DNM3: variants seen among roughly 807,000 people sequenced by gnomAD.
DNM3 encodes the protein dynamin 3.
Under a neutral mutation model 101.6 loss-of-function variants are expected in DNM3, and 47 were observed. That is an observed-to-expected ratio of 0.46 (90% CI 0.37 to 0.59). The LOEUF (loss-of-function observed/expected upper bound fraction) is 0.59. DNM3 is among the 20% of genes least tolerant of loss of function. The pLI, the probability that DNM3 is intolerant of heterozygous loss-of-function variation, is 0.00. For missense variants in DNM3, 849 were observed against 1,085.7 expected, an observed-to-expected ratio of 0.78 and a Z score of 3.06; for synonymous variants, 385 against 387.9, an observed-to-expected ratio of 0.99 and a Z score of 0.09.
chr1:172,247,708 C>CAG (rs1271638945), intron 14 of DNM3, among the ~76,000 whole-genome samples: 34 of 120,856 alleles, frequency 2.8e-4, no homozygotes, highest in African/African-American at 8.2e-4. Context: ...TATTTTGAGA[C>CAG]AGTTTCGCTC....
intron 2 of DNM3, among the ~76,000 whole-genome samples, chr1:171,977,317 C>T (rs796658427): frequency 2.6e-4 from 39 of 152,244 alleles, no homozygotes; most frequent in African/African-American, 8.9e-4. Context: ...ACCATGCATA[C>T]TGGGTTATTG....
intron 18 of DNM3, among the ~76,000 whole-genome samples, chr1:172,383,534 C>T (rs1046270991): frequency 1.3e-5 from 2 of 152,084 alleles, no homozygotes; most frequent in Admixed American, 6.6e-5. Flanking sequence ...GAGGCATCAC[C>T]GTGTTCCGTA....
intron 17 of DNM3, among the ~76,000 whole-genome samples, chr1:172,325,927 A>G (rs2065919423): frequency 6.6e-6 from 1 of 152,218 alleles, no homozygotes; most frequent in African/African-American, 2.4e-5. Context: ...TTCCACATAC[A>G]TTAAGAGTAG....
chr1:172,012,096 A>G (rs948476472), intron 4 of DNM3, among the ~76,000 whole-genome samples: 2 of 152,096 alleles, frequency 1.3e-5, no homozygotes, highest in African/African-American at 2.4e-5. Context: ...TCACAGTACC[A>G]TTGTTTCTGC....
intron 17 of DNM3, among the ~76,000 whole-genome samples, chr1:172,367,432 G>A (rs2068081312): frequency 6.6e-6 from 1 of 151,804 alleles, no homozygotes; most frequent in African/African-American, 2.4e-5. Context: ...CTCACTTATA[G>A]AGCAGATACA....
chr1:172,289,901 C>G, intron 15 of DNM3: 1 of 966,766 alleles, frequency 1.0e-6, no homozygotes. Context: ...GTTGGGTTTT[C>G]TTTAACTGTA....
At chr1:172,328,802 C>T (rs532605138) in intron 17 of DNM3, among the ~76,000 whole-genome samples, 48 of 152,126 alleles carry the variant, frequency 3.2e-4, no homozygotes, top group Admixed American at 2.8e-3. Flanking sequence ...AAAAGTTAAA[C>T]AAAAAGAAAA....
At chr1:172,372,603 TTAGA>T (rs76413643) in intron 17 of DNM3, among the ~76,000 whole-genome samples, 22,629 of 151,230 alleles carry the variant, frequency 0.15, 2,056 homozygotes, top group Non-Finnish European at 0.2. Flanking sequence ...TTATATTTAA[TTAGA>T]TAGATAATGT....
chr1:172,058,879 A>C (rs1189619693), intron 10 of DNM3, among the ~76,000 whole-genome samples: 3 of 151,988 alleles, frequency 2.0e-5, no homozygotes, highest in African/African-American at 7.3e-5. Context: ...GACAAAAAAA[A>C]CCCTTAAAAA....
intron 14 of DNM3, among the ~76,000 whole-genome samples, chr1:172,143,853 G>A (rs1350462490): frequency 6.6e-6 from 1 of 152,096 alleles, no homozygotes; most frequent in Non-Finnish European, 1.5e-5. Context: ...TTGTCTGGTA[G>A]GCAAGACTTG....
chr1:171,854,078 G>A (rs1054199605), intron 1 of DNM3, among the ~76,000 whole-genome samples: 1 of 152,128 alleles, frequency 6.6e-6, no homozygotes, highest in Non-Finnish European at 1.5e-5. Flanking sequence ...CTTTGTGAAA[G>A]ACACTGTTTT....
At chr1:171,965,069 G>C (rs1047659154) in intron 2 of DNM3, among the ~76,000 whole-genome samples, 4 of 152,118 alleles carry the variant, frequency 2.6e-5, no homozygotes, top group African/African-American at 9.7e-5. Context: ...CCACAAGACT[G>C]TCCCGAGTTC....
Position 172,410,666 on chromosome 1 carries a change from GT to G in DNM3, c.*2829del. 1.0e-6 allele frequency: 1 copy of G among 985,272 alleles called. No homozygotes were observed. The highest frequency in any genetic ancestry group is 1.2e-6 in the Non-Finnish European group (1 of 829,826). 61.0% of individuals were successfully genotyped at this position (985,272 alleles called of 1,614,324 possible). A position where few individuals can be genotyped will look rare whatever the true frequency, so the allele number is the denominator to read the frequency against. ...TCGTCTGAATATTGCTTTTAGCCGTGTTTTATAACATAGACGAGCAGTAGGG... is the reference window on the plus strand; with the variant it reads ...TCGTCTGAATATTGCTTTTAGCCGTGTTTATAACATAGACGAGCAGTAGGG... On this transcript the variant is annotated 3_prime_UTR_variant, in exon 21 of 21. Transcript: ENST00000627582.
chr1:172,111,254 A>G (rs999670126), intron 13 of DNM3, among the ~76,000 whole-genome samples: 2 of 152,224 alleles, frequency 1.3e-5, no homozygotes, highest in Non-Finnish European at 2.9e-5. Context: ...TGACAATACA[A>G]TAAGACTGCT....
intron 10 of DNM3, among the ~76,000 whole-genome samples, chr1:172,058,706 G>T (rs1259968392): frequency 1.3e-5 from 2 of 151,666 alleles, no homozygotes; most frequent in South Asian, 2.1e-4. Context: ...GTGTGTAGAG[G>T]GAAATTTATA....
intron 14 of DNM3, among the ~76,000 whole-genome samples, chr1:172,189,414 A>T (rs548031734): frequency 5.3e-5 from 8 of 151,968 alleles, no homozygotes; most frequent in Non-Finnish European, 1.2e-4. Flanking sequence ...TTTAATTGGG[A>T]TTGCATTTAA....
At chr1:172,190,973 T>A (rs1275830605) in intron 14 of DNM3, among the ~76,000 whole-genome samples, 1 of 152,232 alleles carries the variant, frequency 6.6e-6, no homozygotes, top group Non-Finnish European at 1.5e-5. Context: ...GGTTGCCTGT[T>A]CACTCTGATG....
chr1:171,922,086 C>A (rs1257158491), intron 2 of DNM3, among the ~76,000 whole-genome samples: 3 of 151,630 alleles, frequency 2.0e-5, no homozygotes, highest in African/African-American at 7.3e-5. Flanking sequence ...TATAATTTTA[C>A]AGTACAGCAC....
At chr1:171,946,095 A>G (rs138748206) in intron 2 of DNM3, among the ~76,000 whole-genome samples, 2 of 152,254 alleles carry the variant, frequency 1.3e-5, no homozygotes, top group African/African-American at 2.4e-5. Flanking sequence ...GAGTTTTAAG[A>G]CAAGGACCAT....
Sources: allele counts gnomAD v4.1 joint callset (sites outside exome capture counted in the v4.1 genomes callset), GRCh38; gene constraint gnomAD v4.1.1; transcripts MANE v1.5; gene names NCBI Gene and HGNC (gene_info 2026-07-23, HGNC 2026-07-21).